ZFAND3: variants seen among roughly 807,000 people sequenced by gnomAD.
ZFAND3 encodes AN1-type zinc finger protein 3.
In ZFAND3, 10 loss-of-function variants were observed where a neutral mutation model predicts 29.6. The observed-to-expected ratio is 0.34, with a 90% CI of 0.21 to 0.57. The LOEUF is 0.57. Among genes scored for constraint, ZFAND3 ranks in the 20% least tolerant of loss-of-function variants. ZFAND3 has a pLI of 0.86. For synonymous variants in ZFAND3, 128 were observed against 112.6 expected, an observed-to-expected ratio of 1.14 and a Z score of -0.87; for missense variants, 230 against 304.5, an observed-to-expected ratio of 0.76 and a Z score of 1.82.
chr6:37,989,545 C>T (rs1333893506), intron 2 of ZFAND3, among the ~76,000 whole-genome samples: 1 of 152,198 alleles, frequency 6.6e-6, no homozygotes, highest in Non-Finnish European at 1.5e-5. Context: ...CCCCACAAGT[C>T]ACCACTTTCT....
chr6:38,124,670 G>A (rs535075133), intron 5 of ZFAND3, among the ~76,000 whole-genome samples: 8 of 152,290 alleles, frequency 5.3e-5, no homozygotes, highest in East Asian at 1.9e-4. Context: ...TAAGCGCCGC[G>A]CGCAGCCCAG....
chr6:38,105,579 G>A (rs534327148), intron 4 of ZFAND3, among the ~76,000 whole-genome samples: 1 of 152,252 alleles, frequency 6.6e-6, no homozygotes, highest in South Asian at 2.1e-4. Context: ...AAGTGGACAT[G>A]GCTATAAAAG....
intron 2 of ZFAND3, among the ~76,000 whole-genome samples, chr6:37,982,601 G>A (rs1762598501): frequency 6.6e-6 from 1 of 152,164 alleles, no homozygotes; most frequent in Non-Finnish European, 1.5e-5. Flanking sequence ...GCTTGTGTAA[G>A]TATATCTACT....
intron 1 of ZFAND3, among the ~76,000 whole-genome samples, chr6:37,827,505 A>T (rs1289296428): frequency 6.6e-6 from 1 of 152,192 alleles, no homozygotes; most frequent in African/African-American, 2.4e-5. Context: ...GCAGCTTTTT[A>T]TATGTGATTA....
chr6:38,124,778 C>T lies in ZFAND3; in HGVS notation c.529+8039C>T, dbSNP rs932087834. ...GAGAGGGGCCCCCACAGCGCAGTGG[C>T]GGGCTGAAGGGCTCCCTGAGCATGG... On this transcript the variant is annotated intron_variant, in intron 5 of 5. Coordinates refer to ENST00000287218, the MANE Select transcript of ZFAND3 (RefSeq NM_021943.3). Among the ~76,000 whole-genome samples, 8 of 152,376 alleles carry T rather than the reference C, an allele frequency of 5.3e-5. No individual in the cohort carries two copies. The East Asian group carries it at 5.8e-4, about 11-fold the overall frequency.
At chr6:37,925,218 T>C (rs939912823) in intron 1 of ZFAND3, among the ~76,000 whole-genome samples, 3 of 152,126 alleles carry the variant, frequency 2.0e-5, no homozygotes, top group Non-Finnish European at 4.4e-5. Flanking sequence ...AAAATCATTG[T>C]ATAGGGTCAA....
intron 1 of ZFAND3, among the ~76,000 whole-genome samples, chr6:37,861,441 GA>G (rs1299762368): frequency 6.6e-6 from 1 of 152,014 alleles, no homozygotes; most frequent in African/African-American, 2.4e-5. Context: ...AGGCTGAGGG[GA>G]CAACATGATA....
intron 2 of ZFAND3, among the ~76,000 whole-genome samples, chr6:38,021,903 G>A (rs1763360728): frequency 6.6e-6 from 1 of 152,160 alleles, no homozygotes; most frequent in Non-Finnish European, 1.5e-5. Flanking sequence ...AGAAAGAATG[G>A]CTTAGATGAG....
chr6:37,857,109 T>G (rs1255465687), intron 1 of ZFAND3, among the ~76,000 whole-genome samples: 1 of 152,132 alleles, frequency 6.6e-6, no homozygotes, highest in Non-Finnish European at 1.5e-5. Context: ...TGTCTGGCCT[T>G]TTTACTTTTT....
At chr6:37,988,889 A>G (rs536591258) in intron 2 of ZFAND3, among the ~76,000 whole-genome samples, 1 of 151,900 alleles carries the variant, frequency 6.6e-6, no homozygotes, top group African/African-American at 2.4e-5. Context: ...AGTTTTATTC[A>G]TTCCACAAAT....
intron 2 of ZFAND3, among the ~76,000 whole-genome samples, chr6:37,964,968 G>A (rs1035489876): frequency 3.3e-5 from 5 of 152,136 alleles, no homozygotes; most frequent in African/African-American, 1.2e-4. Context: ...TGTAGTAAGT[G>A]CCCAGTGAAT....
At chr6:38,047,091 C>T (rs1048268875) in intron 2 of ZFAND3, among the ~76,000 whole-genome samples, 1 of 151,760 alleles carries the variant, frequency 6.6e-6, no homozygotes, top group Non-Finnish European at 1.5e-5. Flanking sequence ...GGGAGGTATG[C>T]GGATCACTTG....
At position 37,879,149 on chromosome 6, in the gene ZFAND3, T is replaced by G. The variant is rs192313585; in HGVS notation, c.72-50810T>G. On this transcript the variant is annotated intron_variant, in intron 1 of 5. Transcript: ENST00000287218. The stretch of plus-strand genomic sequence containing the variant: ...ACATGTGTAACTGTTGGTTTTATGT[T>G]CCTTACAAAGTATACCTTGGAGAAA... 8.3e-4 allele frequency among the ~76,000 whole-genome samples: 126 copies of G among 152,346 alleles called. 1 individual carries two copies. The highest frequency in any genetic ancestry group is 3.0e-3 in the African/African-American group (124 of 41,576).
At chr6:37,852,079 G>A (rs984007536) in intron 1 of ZFAND3, among the ~76,000 whole-genome samples, 1 of 152,198 alleles carries the variant, frequency 6.6e-6, no homozygotes, top group Non-Finnish European at 1.5e-5. Flanking sequence ...TTTGGGCTTA[G>A]TTTATATTCT....
At chr6:37,849,410 T>C (rs1392774733) in intron 1 of ZFAND3, among the ~76,000 whole-genome samples, 3 of 152,308 alleles carry the variant, frequency 2.0e-5, no homozygotes, top group Middle Eastern at 6.8e-3. Context: ...TTATTATTTT[T>C]CTTCTTATTA....
At chr6:37,966,092 C>G (rs1316427202) in intron 2 of ZFAND3, among the ~76,000 whole-genome samples, 3 of 152,126 alleles carry the variant, frequency 2.0e-5, no homozygotes, top group Non-Finnish European at 4.4e-5. Flanking sequence ...ATCCTTTACA[C>G]AACCGCAAAC....
chr6:37,993,425 G>A lies in ZFAND3; in HGVS notation c.112+63426G>A, dbSNP rs1027929091. 2.6e-5 allele frequency among the ~76,000 whole-genome samples: 4 copies of A among 151,594 alleles called. No homozygotes were observed. The East Asian group carries it at 6.2e-4, about 23-fold the overall frequency. On this transcript the variant is annotated intron_variant, in intron 2 of 5. Coordinates refer to ENST00000287218, the MANE Select transcript of ZFAND3 (RefSeq NM_021943.3). ...CACTGCAACCTCCACCTCCTGGGTC[G>A]AAGCCATTCTCCTGCCTCACCCTCG...
intron 5 of ZFAND3, among the ~76,000 whole-genome samples, chr6:38,119,637 G>A (rs1765489441): frequency 6.6e-6 from 1 of 152,210 alleles, no homozygotes; most frequent in Admixed American, 6.5e-5. Context: ...CTAATGAGGT[G>A]CCAATTAAAG....
intron 1 of ZFAND3, among the ~76,000 whole-genome samples, chr6:37,894,692 G>C (rs866935187): frequency 6.6e-6 from 1 of 152,094 alleles, no homozygotes; most frequent in Non-Finnish European, 1.5e-5. Context: ...TTGTGGTGCA[G>C]ATCTGCTCGT....
Sources: allele counts gnomAD v4.1 joint callset (sites outside exome capture counted in the v4.1 genomes callset), GRCh38; gene constraint gnomAD v4.1.1; transcripts MANE v1.5; gene names NCBI Gene and HGNC (gene_info 2026-07-23, HGNC 2026-07-21).